The following ITPR1 variants were observed in gnomAD, a reference collection of about 807,000 sequenced individuals.
ITPR1 encodes inositol 1,4,5-trisphosphate receptor type 1, also known as inositol 1,4,5-trisphosphate-gated calcium channel ITPR1.
In ITPR1, 96 loss-of-function variants were observed where a neutral mutation model predicts 318.4. That is an observed-to-expected ratio of 0.30 (90% CI 0.26 to 0.36). The LOEUF (loss-of-function observed/expected upper bound fraction) is 0.36. Among genes scored for constraint, ITPR1 ranks in the 10% least tolerant of loss-of-function variants. The pLI, the probability that ITPR1 is intolerant of heterozygous loss-of-function variation, is 1.00. For missense variants in ITPR1, 2,440 were observed against 3,460.2 expected, an observed-to-expected ratio of 0.71 and a Z score of 7.40; for synonymous variants, 1,312 against 1,289.9, an observed-to-expected ratio of 1.02 and a Z score of -0.37.
chr3:4,704,383 G>A (rs756480624), intron 36 of ITPR1, among the ~76,000 whole-genome samples: 2 of 152,250 alleles, frequency 1.3e-5, no homozygotes, highest in African/African-American at 2.4e-5. Flanking sequence ...CTGCACTCCA[G>A]CCTGGGCGAC....
chr3:4,499,127 G>C (rs2080828865), intron 2 of ITPR1, among the ~76,000 whole-genome samples: 1 of 152,148 alleles, frequency 6.6e-6, no homozygotes, highest in Admixed American at 6.5e-5. Context: ...GATAGCTACT[G>C]TACTCCAGCA....
At position 4,840,464 on chromosome 3, in the gene ITPR1, TTTG is replaced by T. The variant is rs769287993; in HGVS notation, c.8190+3544_8190+3546del. Among the ~76,000 whole-genome samples, 24 of 152,196 alleles carry T rather than the reference TTTG, an allele frequency of 1.6e-4. No individual in the cohort carries two copies. The East Asian group carries it at 2.1e-3, about 13-fold the overall frequency. On this transcript the variant is annotated intron_variant, in intron 61 of 61. Coordinates refer to ENST00000649015, the MANE Select transcript of ITPR1 (RefSeq NM_001378452.1). Reference sequence around the variant, plus strand: ...TCCATTACTTAGAGGTTTTTTTTGTTTTGTTGTTGTTGTTGTTTGTTTTAGATT... The same window carrying T: ...TCCATTACTTAGAGGTTTTTTTTGTTTTGTTGTTGTTGTTTGTTTTAGATT...
intron 60 of ITPR1, among the ~76,000 whole-genome samples, chr3:4,827,618 C>T (rs1432201012): frequency 6.6e-6 from 1 of 152,126 alleles, no homozygotes; most frequent in African/African-American, 2.4e-5. Flanking sequence ...TCAGTTTTAC[C>T]ACCTATAAAA....
chr3:4,644,544 G>A (rs1356065504), intron 8 of ITPR1, among the ~76,000 whole-genome samples: 1 of 152,100 alleles, frequency 6.6e-6, no homozygotes, highest in Non-Finnish European at 1.5e-5. Context: ...CTGGCCATAG[G>A]AGCACCTTTT....
intron 4 of ITPR1, among the ~76,000 whole-genome samples, chr3:4,572,679 G>C (rs538421302): frequency 1.3e-5 from 2 of 152,314 alleles, no homozygotes; most frequent in South Asian, 4.1e-4. Flanking sequence ...CTGGGAGACA[G>C]ATCTCCAGAA....
At chr3:4,498,269 G>A (rs114061400) in intron 2 of ITPR1, among the ~76,000 whole-genome samples, 1 of 152,202 alleles carries the variant, frequency 6.6e-6, no homozygotes, top group Non-Finnish European at 1.5e-5. Context: ...CTCAGGTGGG[G>A]ATTAGATCTT....
chr3:4,588,975 A>G (rs2125064238), intron 4 of ITPR1, among the ~76,000 whole-genome samples: 1 of 152,232 alleles, frequency 6.6e-6, no homozygotes, highest in Non-Finnish European at 1.5e-5. Flanking sequence ...CTAAACCGTC[A>G]TTGTGCTACC....
intron 24 of ITPR1, among the ~76,000 whole-genome samples, chr3:4,680,150 AT>A (rs201437352): frequency 2.0e-4 from 30 of 151,870 alleles, no homozygotes; most frequent in African/African-American, 5.1e-4. Context: ...TAAAAAACAA[AT>A]TTTTTTTTGT....
At chr3:4,502,335 CAT>C (rs2081083116) in intron 2 of ITPR1, among the ~76,000 whole-genome samples, 1 of 152,116 alleles carries the variant, frequency 6.6e-6, no homozygotes, top group South Asian at 2.1e-4. Flanking sequence ...TTTTTTAACT[CAT>C]AAGAATACCT....
intron 4 of ITPR1, among the ~76,000 whole-genome samples, chr3:4,581,146 G>A (rs554462298): frequency 1.2e-4 from 18 of 152,300 alleles, no homozygotes; most frequent in African/African-American, 4.3e-4. Flanking sequence ...TCATTTAGAA[G>A]GTTCCCAAAT....
At chr3:4,646,004 C>A in intron 10 of ITPR1, 3 of 352,968 alleles carry the variant, frequency 8.5e-6, no homozygotes, top group Non-Finnish European at 1.6e-5. Flanking sequence ...CATATTTGTG[C>A]AGAAGGAAAG....
chr3:4,600,732 T>A (rs2091207184), intron 4 of ITPR1, among the ~76,000 whole-genome samples: 1 of 151,944 alleles, frequency 6.6e-6, no homozygotes, highest in African/African-American at 2.4e-5. Flanking sequence ...CCTTGGGAGG[T>A]CAGGATTGGG....
intron 4 of ITPR1, among the ~76,000 whole-genome samples, chr3:4,567,626 G>C (rs2087471883): frequency 6.6e-6 from 1 of 150,588 alleles, no homozygotes; most frequent in South Asian, 2.1e-4. Flanking sequence ...TCTTTTTTGA[G>C]ACGGGGTCTT....
chr3:4,836,159 A>G (rs2050898432), intron 60 of ITPR1, among the ~76,000 whole-genome samples: 1 of 152,210 alleles, frequency 6.6e-6, no homozygotes, highest in Non-Finnish European at 1.5e-5. Flanking sequence ...TTTTCCCAGT[A>G]TAATGCATTT....
intron 37 of ITPR1, among the ~76,000 whole-genome samples, chr3:4,709,223 A>G (rs1328743837): frequency 6.6e-6 from 1 of 152,184 alleles, no homozygotes; most frequent in Non-Finnish European, 1.5e-5. Context: ...GTCAGTATGA[A>G]CTAAGGGATG....
At chr3:4,680,817 C>T (rs2094283044) in intron 25 of ITPR1, 126 bp downstream of exon 25, 2 of 788,934 alleles carry the variant, frequency 2.5e-6, no homozygotes, top group Non-Finnish European at 4.0e-6. Flanking sequence ...ACCAGGGCAT[C>T]ATCCTGGCAG....
chr3:4,676,151 G>A (rs1021047112), intron 23 of ITPR1, among the ~76,000 whole-genome samples: 4 of 150,632 alleles, frequency 2.7e-5, no homozygotes, highest in African/African-American at 9.8e-5. Context: ...AGACCAGGCT[G>A]GGCAATATAG....
At chr3:4,699,442 C>T (rs1407818952) in intron 34 of ITPR1, among the ~76,000 whole-genome samples, 1 of 152,060 alleles carries the variant, frequency 6.6e-6, no homozygotes, top group African/African-American at 2.4e-5. Context: ...TGGTCTAGAA[C>T]CGAGGAATGG....
chr3:4,657,529 G>A (rs1358443390), intron 12 of ITPR1, among the ~76,000 whole-genome samples: 2 of 150,824 alleles, frequency 1.3e-5, no homozygotes, highest in East Asian at 3.9e-4. Context: ...ATGCGGTGGC[G>A]CGATCTCAGC....
Sources: gnomAD v4.1 joint callset for allele counts (sites outside exome capture counted in the v4.1 genomes callset) on GRCh38, gnomAD v4.1.1 for gene constraint, MANE v1.5 for transcripts, NCBI Gene and HGNC (gene_info 2026-07-23, HGNC 2026-07-21) for gene names.